Variants in NUFIP1 observed in about 807,000 individuals in gnomAD.
NUFIP1 encodes the protein FMR1-interacting protein NUFIP1.
A neutral mutation model predicts 56.2 loss-of-function variants in NUFIP1; 38 were observed. The observed-to-expected ratio is 0.68, with a 90% CI of 0.52 to 0.89. The LOEUF is 0.89. NUFIP1 is among the 40% of genes least tolerant of loss of function. NUFIP1 has a pLI of 0.00. For missense variants in NUFIP1, 567 were observed against 605.8 expected, an observed-to-expected ratio of 0.94 and a Z score of 0.67; for synonymous variants, 215 against 212.4, an observed-to-expected ratio of 1.01 and a Z score of -0.10.
In NUFIP1 at chr13:44,941,014, C is replaced by A; in HGVS notation, c.*192G>T. 1 of 459,364 alleles carries A rather than the reference C, an allele frequency of 2.2e-6. No homozygotes were observed. The highest frequency in any genetic ancestry group is 3.5e-5 in the East Asian group (1 of 28,698). 28.5% of individuals were successfully genotyped at this position (459,364 alleles called of 1,614,324 possible). A position where few individuals can be genotyped will look rare whatever the true frequency, so the allele number is the denominator to read the frequency against. On this transcript the variant is annotated 3_prime_UTR_variant, in exon 10 of 10. Transcript: ENST00000379161. ...TCAATCCCAACAATACAGACACAGT[C>A]TTAAAAAATCAGTTATTTTTTTATT...
intron 1 of NUFIP1, among the ~76,000 whole-genome samples, chr13:44,983,842 C>G (rs1283075948): frequency 6.6e-6 from 1 of 152,178 alleles, no homozygotes; most frequent in Admixed American, 6.5e-5. Flanking sequence ...CTCTCACTCT[C>G]TCTCACCATG....
intron 7 of NUFIP1, among the ~76,000 whole-genome samples, chr13:44,952,153 T>C (rs1871102874): frequency 6.6e-6 from 1 of 152,202 alleles, no homozygotes; most frequent in South Asian, 2.1e-4. Flanking sequence ...TTTTTTTGTT[T>C]TTGTTTTTGT....
Position 44,965,881 on chromosome 13 carries a change from C to T in NUFIP1, c.790G>A (p.Glu264Lys). 6 of 1,602,636 alleles carry T rather than the reference C, an allele frequency of 3.7e-6. No homozygotes were observed. Among genetic ancestry groups the T allele is most frequent in the Non-Finnish European group, 5.1e-6 (6 of 1,175,922 alleles). The change falls in exon 6 of 10, where the codon GAG becomes AAG. Residue 264 changes from glutamate (E) to lysine (K), a missense_variant. Transcript: ENST00000379161. Reference sequence around the variant, plus strand: ...GTTGTCAATACTGCTCCTCTCTTCTCCTTTTCAAGTTTTAACTTCTTCTTC... The same window carrying T: ...GTTGTCAATACTGCTCCTCTCTTCTTCTTTTCAAGTTTTAACTTCTTCTTC... The part of the protein sequence containing the change: ...ERKKKLKLEK[E>K]KRGAVLTTTQ...
chr13:44,979,187 C>A lies in NUFIP1; in HGVS notation c.734+3G>T. Reference sequence around the variant, plus strand: ...TATTTCACCAGTTCTGAACTCTACTCACTTCCTTCTTTCTTCCCTCCACCG... The same window carrying A: ...TATTTCACCAGTTCTGAACTCTACTAACTTCCTTCTTTCTTCCCTCCACCG... On this transcript the variant is annotated splice_donor_region_variant and intron_variant, in intron 5 of 9. Transcript: ENST00000379161. 1 of 1,609,968 alleles carries A rather than the reference C, an allele frequency of 6.2e-7. No individual in the cohort carries two copies. The highest frequency in any genetic ancestry group is 1.1e-5 in the South Asian group (1 of 90,676).
At position 44,940,896 on chromosome 13, in the gene NUFIP1, C is replaced by T. The variant is rs534760803; in HGVS notation, c.*310G>A. 2 of 185,498 alleles carry T rather than the reference C, an allele frequency of 1.1e-5. No homozygotes were observed. Among genetic ancestry groups the T allele is most frequent in the African/African-American group, 4.7e-5 (2 of 42,766 alleles). The allele number at this position is 185,498 out of a possible 1,614,324, so 11.5% of individuals were successfully genotyped here. The stretch of plus-strand genomic sequence containing the variant: ...TCTTCTTTACTGCTAAACCTATCTT[C>T]AATTCTTAACTAACACAACATCAGT... On this transcript the variant is annotated 3_prime_UTR_variant, in exon 10 of 10. Transcript: ENST00000379161.
intron 6 of NUFIP1, among the ~76,000 whole-genome samples, chr13:44,964,601 G>A (rs906434525): frequency 1.3e-5 from 2 of 152,148 alleles, no homozygotes; most frequent in Admixed American, 1.3e-4. Context: ...GGATGTACCT[G>A]AGAGGAAAAA....
At chr13:44,949,026 T>A (rs550643849) in intron 8 of NUFIP1, among the ~76,000 whole-genome samples, 1 of 152,160 alleles carries the variant, frequency 6.6e-6, no homozygotes, top group South Asian at 2.1e-4. Context: ...TATCACACTC[T>A]TTGTCATAAA....
Position 44,989,428 on chromosome 13 carries a change from C to G in NUFIP1, c.9G>C (p.Glu3Asp). ...TAGGAGTCTCGAAATCACTAGTCGG[C>G]TCAGCCATACCACTGGCGGGTCCGG... The part of the protein sequence containing the change: MA[E>D]PTSDFETPIG... Residue 3 changes from glutamate (E) to aspartate (D), a missense_variant, in exon 1 of 10, where the codon GAG (glutamate) becomes GAC (aspartate). Transcript: ENST00000379161. 1 of 1,613,420 alleles carries G rather than the reference C, an allele frequency of 6.2e-7. No individual in the cohort carries two copies. Among genetic ancestry groups the G allele is most frequent in the Non-Finnish European group, 8.5e-7 (1 of 1,179,774 alleles).
chr13:44,963,205 T>C (rs1871484113), intron 6 of NUFIP1, among the ~76,000 whole-genome samples: 1 of 152,230 alleles, frequency 6.6e-6, no homozygotes, highest in South Asian at 2.1e-4. Flanking sequence ...GCTCCATTTA[T>C]ACAGGCCTTG....
intron 7 of NUFIP1, among the ~76,000 whole-genome samples, chr13:44,958,974 G>A (rs564157323): frequency 9.2e-5 from 14 of 152,254 alleles, no homozygotes; most frequent in African/African-American, 3.1e-4. Context: ...TTTGCCCAGA[G>A]ATCATGCTCA....
At chr13:44,980,050 C>T (rs1376669588) in intron 3 of NUFIP1, 98 bp from the exon 4 acceptor site, 9 of 826,256 alleles carry the variant, frequency 1.1e-5, no homozygotes, top group Non-Finnish European at 1.7e-5. Context: ...GGCTGTATTA[C>T]ATAGTTATCC....
intron 8 of NUFIP1, among the ~76,000 whole-genome samples, chr13:44,948,925 A>C (rs1318300850): frequency 6.6e-6 from 1 of 152,210 alleles, no homozygotes; most frequent in Non-Finnish European, 1.5e-5. Context: ...TAATGCAGAC[A>C]CAAGTATAAG....
At position 44,939,342 on chromosome 13, in the gene NUFIP1, G is replaced by A. The variant is rs1209937266; in HGVS notation, c.*1864C>T. 6.6e-6 allele frequency: 1 copy of A among 152,052 alleles called. No individual in the cohort carries two copies. The highest frequency in any genetic ancestry group is 2.4e-5 in the African/African-American group (1 of 41,408). 9.4% of individuals were successfully genotyped at this position (152,052 alleles called of 1,614,324 possible). On this transcript the variant is annotated 3_prime_UTR_variant, in exon 10 of 10. Coordinates refer to ENST00000379161, the MANE Select transcript of NUFIP1 (RefSeq NM_012345.3). ...AAGGAAAATAGAAGTCAATTATAGA[G>A]GATATGAGAAAAAGTAAAGTATTTC... is the stretch of plus-strand genomic sequence containing the variant.
rs1870656432 is a variant in NUFIP1, at chr13:44,939,409, A to C, written c.*1797T>G. On this transcript the variant is annotated 3_prime_UTR_variant, in exon 10 of 10. Transcript: ENST00000379161. ...ACTCACCAATAGTCATGTAATGCTT[A>C]CATTTCAGAAACTGATTAAACGAAC... The C allele has an allele frequency of 1.3e-5, 2 of 152,230 alleles. No homozygotes were observed. The highest frequency in any genetic ancestry group is 1.3e-4 in the Admixed American group (2 of 15,284). 9.4% of individuals were successfully genotyped at this position (152,230 alleles called of 1,614,324 possible).
At chr13:44,947,123 C>A (rs1423020548) in intron 8 of NUFIP1, among the ~76,000 whole-genome samples, 2 of 151,822 alleles carry the variant, frequency 1.3e-5, no homozygotes, top group Non-Finnish European at 2.9e-5. Flanking sequence ...ACAGTAAATG[C>A]CAAAGAGAGA....
chr13:44,954,241 T>C (rs1871159006), intron 7 of NUFIP1, among the ~76,000 whole-genome samples: 1 of 152,214 alleles, frequency 6.6e-6, no homozygotes, highest in African/African-American at 2.4e-5. Context: ...AGCATTTTTA[T>C]AAAATACGAG....
chr13:44,942,574 A>G (rs1437650167), intron 9 of NUFIP1, among the ~76,000 whole-genome samples: 1 of 152,200 alleles, frequency 6.6e-6, no homozygotes, highest in Non-Finnish European at 1.5e-5. Context: ...AGTCAAAACC[A>G]AACAGACTTT....
intron 3 of NUFIP1, 95 bp from the exon 4 acceptor site, chr13:44,980,047 T>A: frequency 1.2e-6 from 1 of 855,744 alleles, no homozygotes; most frequent in Non-Finnish European, 1.8e-6. Flanking sequence ...TCTGGCTGTA[T>A]TACATAGTTA....
chr13:44,977,734 T>C (rs1392714834), intron 5 of NUFIP1, among the ~76,000 whole-genome samples: 1 of 152,222 alleles, frequency 6.6e-6, no homozygotes, highest in Non-Finnish European at 1.5e-5. Flanking sequence ...CGTTGACTGG[T>C]TGGACCTGAC....
Sources: allele counts gnomAD v4.1 joint callset (sites outside exome capture counted in the v4.1 genomes callset), GRCh38; gene constraint gnomAD v4.1.1; transcripts MANE v1.5; gene names NCBI Gene and HGNC (gene_info 2026-07-23, HGNC 2026-07-21).